Variants in ORC3 observed in about 807,000 individuals in gnomAD.
The protein encoded by ORC3 is origin recognition complex subunit 3.
Under a neutral mutation model 100.7 loss-of-function variants are expected in ORC3, and 78 were observed. The ratio of observed to expected loss-of-function variants is 0.77; its 90% CI spans 0.65 to 0.94. The LOEUF (loss-of-function observed/expected upper bound fraction) is 0.94, where lower values mean the gene tolerates loss of function less well. Among genes scored for constraint, ORC3 ranks in the 40% least tolerant of loss-of-function variants. The pLI, the probability that ORC3 is intolerant of heterozygous loss-of-function variation, is 0.00. For synonymous variants in ORC3, 295 were observed against 289.3 expected (o/e 1.02, Z -0.20); for missense variants, 789 against 823.9 (o/e 0.96, Z 0.52).
rs1371592946 is a variant in ORC3 at position 87,601,831 on chromosome 6, C to T, written c.127C>T (p.Arg43Ter). ...AAATGAGCCTGAGGACAGTAAGCTTCGATTCGAAACTTATCAGTTGATATG... is the reference window on the plus strand; with the variant it reads ...AAATGAGCCTGAGGACAGTAAGCTTTGATTCGAAACTTATCAGTTGATATG... Reference protein sequence around the residue: ...GKNEPEDSKLRFETYQLIWQQ... With the variant: ...GKNEPEDSKL Residue 43 changes from arginine to a stop codon, truncating the protein, a stop_gained, in exon 3 of 20, where the codon CGA (arginine) becomes TGA (stop). Coordinates refer to ENST00000392844, the MANE Select transcript of ORC3 (RefSeq NM_012381.4). LOFTEE classifies it high-confidence loss of function. The T allele has an allele frequency of 1.2e-6, 2 of 1,611,758 alleles. No homozygotes were observed. The highest frequency in any genetic ancestry group is 1.7e-4 in the Middle Eastern group (1 of 6,058).
chr6:87,677,625 C>T, the ORC3 span, among the ~76,000 whole-genome samples: 2 of 152,108 alleles, frequency 1.3e-5, no homozygotes, highest in Non-Finnish European at 2.9e-5. Flanking sequence ...ACACGGCTAG[C>T]CAATACTCTT....
At position 87,666,337 on chromosome 6, in the gene ORC3, G is replaced by A. The variant is rs538510019; in HGVS notation, c.2030+504G>A. On this transcript the variant is annotated intron_variant, in intron 19 of 19. Transcript: ENST00000392844. ...AGTAGAGACGGGGTTTCACCATGTT[G>A]GCCAGGCTGGTCTCGAACTCCTGAC... 1.2e-4 allele frequency among the ~76,000 whole-genome samples: 18 copies of A among 151,474 alleles called. No homozygotes were observed. In the South Asian group the frequency reaches 2.3e-3, roughly 19 times the overall value.
intron 8 of ORC3, among the ~76,000 whole-genome samples, chr6:87,612,669 T>A (rs1778866557): frequency 6.6e-6 from 1 of 152,218 alleles, no homozygotes; most frequent in African/African-American, 2.4e-5. Flanking sequence ...TGGAGTGCAG[T>A]GACGAAATCT....
the ORC3 span, among the ~76,000 whole-genome samples, chr6:87,674,657 G>A: frequency 2.3e-5 from 3 of 132,386 alleles, no homozygotes; most frequent in African/African-American, 3.3e-5. Flanking sequence ...TTTTTTTTTA[G>A]TAGAGATGGG....
intron 1 of ORC3, among the ~76,000 whole-genome samples, chr6:87,591,353 T>G (rs1776912466): frequency 6.6e-6 from 1 of 151,168 alleles, no homozygotes; most frequent in African/African-American, 2.4e-5. Flanking sequence ...GAAGGCTATG[T>G]CATGGATCTG....
intron 13 of ORC3, among the ~76,000 whole-genome samples, chr6:87,639,608 G>C (rs1768076453): frequency 6.6e-6 from 1 of 152,120 alleles, no homozygotes; most frequent in African/African-American, 2.4e-5. Flanking sequence ...GTGGGACAAG[G>C]TGTGGGTGTG....
intron 11 of ORC3, among the ~76,000 whole-genome samples, chr6:87,624,223 C>G (rs911580673): frequency 2.0e-5 from 3 of 152,134 alleles, no homozygotes; most frequent in African/African-American, 7.2e-5. Flanking sequence ...GTGGCTCACT[C>G]CTGTAATCCC....
At chr6:87,647,798 A>G (rs1768917724) in intron 13 of ORC3, among the ~76,000 whole-genome samples, 1 of 152,218 alleles carries the variant, frequency 6.6e-6, no homozygotes, top group Admixed American at 6.5e-5. Flanking sequence ...AGCTAGACTC[A>G]ATCCTTAATT....
intron 16 of ORC3, among the ~76,000 whole-genome samples, chr6:87,661,403 T>A (rs1052924597): frequency 6.6e-6 from 1 of 152,182 alleles, no homozygotes; most frequent in Non-Finnish European, 1.5e-5. Context: ...TTTGTTCCAG[T>A]TGACTCTGGA....
chr6:87,602,996 T>C (rs1356462867), intron 3 of ORC3, among the ~76,000 whole-genome samples: 1 of 140,390 alleles, frequency 7.1e-6, no homozygotes, highest in Non-Finnish European at 1.5e-5. Flanking sequence ...ATTTTTTTTT[T>C]TGAGACAAGG....
intron 4 of ORC3, among the ~76,000 whole-genome samples, chr6:87,603,888 A>G (rs1778151864): frequency 6.6e-6 from 1 of 152,118 alleles, no homozygotes; most frequent in African/African-American, 2.4e-5. Context: ...TGGTTTTCAT[A>G]CTTTTTTTAG....
At chr6:87,634,797 C>T (rs775333040) in intron 11 of ORC3, 48 bp from the exon 12 acceptor site, 12 of 932,810 alleles carry the variant, frequency 1.3e-5, no homozygotes, top group Admixed American at 8.6e-5. Context: ...TTATTATGCT[C>T]TTTTATTAGC....
At chr6:87,617,671 C>T (rs969561060) in intron 9 of ORC3, among the ~76,000 whole-genome samples, 2 of 152,112 alleles carry the variant, frequency 1.3e-5, no homozygotes, top group South Asian at 4.1e-4. Flanking sequence ...GAAGTCAAGG[C>T]TGCAGTGAGC....
At chr6:87,658,054 A>G in intron 16 of ORC3, 36 bp downstream of exon 16, 3 of 1,143,680 alleles carry the variant, frequency 2.6e-6, no homozygotes, top group South Asian at 1.2e-5. Context: ...GCTAAAAATC[A>G]TGCTGTTTTT....
intron 5 of ORC3, among the ~76,000 whole-genome samples, chr6:87,607,358 G>A (rs888552664): frequency 2.0e-5 from 3 of 151,946 alleles, no homozygotes; most frequent in Non-Finnish European, 2.9e-5. Context: ...TTGAACCCGG[G>A]AGGCAGAGGT....
At chr6:87,611,709 G>A (rs1010327059) in intron 7 of ORC3, among the ~76,000 whole-genome samples, 2 of 151,888 alleles carry the variant, frequency 1.3e-5, no homozygotes, top group Non-Finnish European at 2.9e-5. Context: ...TTGAACCCAG[G>A]AGGTGGAGGT....
intron 11 of ORC3, among the ~76,000 whole-genome samples, chr6:87,625,390 G>A (rs1779825854): frequency 6.6e-6 from 1 of 152,126 alleles, no homozygotes; most frequent in Non-Finnish European, 1.5e-5. Flanking sequence ...CCGCCATTCT[G>A]ACTGGTGTGA....
intron 13 of ORC3, among the ~76,000 whole-genome samples, chr6:87,642,264 C>G (rs1221069513): frequency 6.6e-6 from 1 of 152,116 alleles, no homozygotes; most frequent in African/African-American, 2.4e-5. Context: ...TGCACTCCAG[C>G]TTGGGCAACA....
intron 11 of ORC3, among the ~76,000 whole-genome samples, chr6:87,629,259 G>T (rs1446575609): frequency 6.6e-6 from 1 of 152,108 alleles, no homozygotes. Flanking sequence ...TCAACAGTCT[G>T]TTTTACCAGT....
Sources: allele counts gnomAD v4.1 joint callset (sites outside exome capture counted in the v4.1 genomes callset), GRCh38; gene constraint gnomAD v4.1.1; transcripts MANE v1.5; gene names NCBI Gene and HGNC (gene_info 2026-07-23, HGNC 2026-07-21).